ST6GAL2: variants seen among roughly 807,000 people sequenced by gnomAD.
The protein encoded by ST6GAL2 is beta-galactoside alpha-2,6-sialyltransferase 2.
ST6GAL2 carries 24 observed loss-of-function variants against 37.5 expected under a neutral mutation model. The ratio of observed to expected loss-of-function variants is 0.64; its 90% confidence interval spans 0.46 to 0.90. The LOEUF (loss-of-function observed/expected upper bound fraction) is 0.90. Among genes scored for constraint, ST6GAL2 ranks in the 40% least tolerant of loss-of-function variants. The probability of loss-of-function intolerance (pLI) is 0.00; values close to 1 mark genes in which losing one functional copy is unlikely to be tolerated. For synonymous variants in ST6GAL2, 306 were observed against 295.1 expected, an observed-to-expected ratio of 1.04 and a Z score of -0.38; for missense variants, 715 against 712.7, an observed-to-expected ratio of 1.00 and a Z score of -0.04.
chr2:106,837,242 T>G (rs1676684901), intron 2 of ST6GAL2, among the ~76,000 whole-genome samples: 1 of 152,134 alleles, frequency 6.6e-6, no homozygotes, highest in African/African-American at 2.4e-5. Context: ...GGGCTTTTCC[T>G]TTGTGAACTG....
At chr2:106,834,249 C>A in intron 2 of ST6GAL2, 103 bp from the exon 3 acceptor site, 1 of 746,268 alleles carries the variant, frequency 1.3e-6, no homozygotes, top group Non-Finnish European at 2.3e-6. Context: ...GCTAATTATA[C>A]ATCACCAATA....
In ST6GAL2 at chr2:106,854,597, T is replaced by C. The variant is rs77297412; in HGVS notation, c.-57-10563A>G. 5.4e-3 allele frequency among the ~76,000 whole-genome samples: 820 copies of C among 152,332 alleles called. 6 individuals carry two copies. Among genetic ancestry groups the C allele is most frequent in the African/African-American group, 0.019 (774 of 41,582 alleles). On this transcript the variant is annotated intron_variant, in intron 1 of 5. Coordinates refer to ENST00000409382, the MANE Select transcript of ST6GAL2 (RefSeq NM_001142351.2). The stretch of plus-strand genomic sequence containing the variant: ...ATTATATGTATTATAATACACCATA[T>C]TGGTGCCATGTGTATAAACTTGATG...
intron 1 of ST6GAL2, among the ~76,000 whole-genome samples, chr2:106,878,996 A>T (rs904107384): frequency 5.3e-5 from 8 of 152,276 alleles, no homozygotes; most frequent in East Asian, 1.9e-4. Flanking sequence ...GGGCTTCCAA[A>T]TTATAATTGG....
At chr2:106,823,870 G>T (rs534368535) in intron 5 of ST6GAL2, among the ~76,000 whole-genome samples, 1 of 152,138 alleles carries the variant, frequency 6.6e-6, no homozygotes, top group Non-Finnish European at 1.5e-5. Context: ...TGAGCTGTCT[G>T]GGGTCTCTTT....
chr2:106,828,793 A>C (rs1216470048), intron 5 of ST6GAL2, among the ~76,000 whole-genome samples: 1 of 151,810 alleles, frequency 6.6e-6, no homozygotes, highest in East Asian at 1.9e-4. Flanking sequence ...ATAGGTTTTA[A>C]TATTGCCAAA....
chr2:106,830,117 C>G lies in ST6GAL2; in HGVS notation c.1267G>C (p.Glu423Gln), dbSNP rs747806776. The G allele has an allele frequency of 6.2e-7, 1 of 1,614,026 alleles. No individual in the cohort carries two copies. Among genetic ancestry groups the G allele is most frequent in the South Asian group, 1.1e-5 (1 of 91,082 alleles). Reference sequence around the variant, plus strand: ...GGTTGAATCTTCTCTTTAGTGTTCTCCTGGATAATATCCCAGAGCTGCCAT... The same window carrying G: ...GGTTGAATCTTCTCTTTAGTGTTCTGCTGGATAATATCCCAGAGCTGCCAT... Reference protein sequence around the residue: ...FIWQLWDIIQENTKEKIQPNP... With the variant: ...FIWQLWDIIQQNTKEKIQPNP... The change falls in exon 5 of 6, where the codon GAG becomes CAG. Residue 423 changes from glutamate (E) to glutamine (Q), a missense_variant. Glu to Gln is a conservative substitution (Grantham distance 29). Coordinates refer to ENST00000409382, the MANE Select transcript of ST6GAL2 (RefSeq NM_001142351.2).
chr2:106,811,139 T>A (rs1359479195), intron 5 of ST6GAL2, among the ~76,000 whole-genome samples: 1 of 152,282 alleles, frequency 6.6e-6, no homozygotes, highest in East Asian at 1.9e-4. Flanking sequence ...AAGGCTGTTG[T>A]TATACATAAA....
chr2:106,854,878 T>A (rs1677511709), intron 1 of ST6GAL2, among the ~76,000 whole-genome samples: 1 of 151,784 alleles, frequency 6.6e-6, no homozygotes, highest in Non-Finnish European at 1.5e-5. Flanking sequence ...CTCAAATCCT[T>A]TTTTAAAAAT....
At chr2:106,830,940 TA>T (rs1337164232) in intron 4 of ST6GAL2, among the ~76,000 whole-genome samples, 1 of 152,226 alleles carries the variant, frequency 6.6e-6, no homozygotes, top group East Asian at 1.9e-4. Context: ...TTACACCATG[TA>T]TGTTATTGTA....
chr2:106,879,815 T>A (rs988203686), intron 1 of ST6GAL2, among the ~76,000 whole-genome samples: 1 of 147,790 alleles, frequency 6.8e-6, no homozygotes, highest in Non-Finnish European at 1.5e-5. Flanking sequence ...AATTATATAC[T>A]ATTATATATA....
intron 1 of ST6GAL2, among the ~76,000 whole-genome samples, chr2:106,859,349 G>A (rs899056117): frequency 6.6e-6 from 1 of 152,114 alleles, no homozygotes; most frequent in Non-Finnish European, 1.5e-5. Flanking sequence ...TTATAATTGT[G>A]CTGTGTTCTC....
At chr2:106,811,846 A>G (rs1198210898) in intron 5 of ST6GAL2, among the ~76,000 whole-genome samples, 1 of 152,164 alleles carries the variant, frequency 6.6e-6, no homozygotes, top group African/African-American at 2.4e-5. Flanking sequence ...TTTACTCACG[A>G]TGATGATTTA....
intron 1 of ST6GAL2, among the ~76,000 whole-genome samples, chr2:106,884,153 C>T (rs1460853536): frequency 2.6e-5 from 4 of 152,112 alleles, no homozygotes; most frequent in Admixed American, 2.6e-4. Context: ...CAGAAACAAG[C>T]ACGTACAGGA....
At chr2:106,812,330 T>C (rs1021687061) in intron 5 of ST6GAL2, among the ~76,000 whole-genome samples, 2 of 152,214 alleles carry the variant, frequency 1.3e-5, no homozygotes, top group Non-Finnish European at 1.5e-5. Context: ...GTATTTCTTA[T>C]AGCAGCCAGA....
chr2:106,814,640 G>T (rs952218363), intron 5 of ST6GAL2, among the ~76,000 whole-genome samples: 3 of 152,240 alleles, frequency 2.0e-5, no homozygotes, highest in Non-Finnish European at 4.4e-5. Flanking sequence ...CACTCAGGCT[G>T]GGAGCCGGGG....
intron 1 of ST6GAL2, among the ~76,000 whole-genome samples, chr2:106,870,153 A>G (rs1678204850): frequency 6.6e-6 from 1 of 152,190 alleles, no homozygotes; most frequent in African/African-American, 2.4e-5. Flanking sequence ...TCTGATACCC[A>G]CAGAATGAGA....
intron 4 of ST6GAL2, among the ~76,000 whole-genome samples, chr2:106,830,532 C>G (rs932353597): frequency 2.0e-5 from 3 of 152,206 alleles, no homozygotes; most frequent in African/African-American, 7.2e-5. Flanking sequence ...ATAATCAACA[C>G]CTTGGGCTTT....
chr2:106,868,274 A>G (rs764510216), intron 1 of ST6GAL2, among the ~76,000 whole-genome samples: 2 of 152,196 alleles, frequency 1.3e-5, no homozygotes, highest in Non-Finnish European at 2.9e-5. Context: ...ACAGAAGGAA[A>G]AGAAAGAAGG....
intron 1 of ST6GAL2, among the ~76,000 whole-genome samples, chr2:106,879,132 C>A (rs1450485467): frequency 6.6e-6 from 1 of 152,058 alleles, no homozygotes; most frequent in Non-Finnish European, 1.5e-5. Flanking sequence ...GGTTCTACAT[C>A]GAATACCGTG....
Sources: gnomAD v4.1 joint callset for allele counts (sites outside exome capture counted in the v4.1 genomes callset) on GRCh38, gnomAD v4.1.1 for gene constraint, MANE v1.5 for transcripts, NCBI Gene and HGNC (gene_info 2026-07-23, HGNC 2026-07-21) for gene names.